Variants in RNF157 observed in about 807,000 individuals in gnomAD.
The protein encoded by RNF157 is ring finger protein 157, also known as E3 ubiquitin ligase RNF157.
RNF157 carries 55 observed loss-of-function variants against 88.3 expected under a neutral mutation model. The observed-to-expected ratio is 0.62, with a 90% confidence interval of 0.50 to 0.78. RNF157 has a LOEUF of 0.78. Ranked by LOEUF, RNF157 falls within the 30% of genes least tolerant of loss-of-function variation. The pLI is 0.00. For synonymous variants in RNF157, 334 were observed against 341.2 expected (o/e 0.98, Z 0.23); for missense variants, 788 against 860.8 (o/e 0.92, Z 1.06).
chr17:76,152,952 A>G (rs185169136), intron 17 of RNF157, among the ~76,000 whole-genome samples: 1 of 152,266 alleles, frequency 6.6e-6, no homozygotes, highest in African/African-American at 2.4e-5. Context: ...ATAATTTTGC[A>G]TATCAAATCA....
At chr17:76,148,460 G>A (rs2068621236) in intron 18 of RNF157, among the ~76,000 whole-genome samples, 1 of 151,456 alleles carries the variant, frequency 6.6e-6, no homozygotes, top group Non-Finnish European at 1.5e-5. Flanking sequence ...GTAGAGATGA[G>A]GTTTCACCGT....
intron 2 of RNF157, among the ~76,000 whole-genome samples, chr17:76,190,658 G>A (rs1321651608): frequency 1.3e-5 from 2 of 150,942 alleles, no homozygotes; most frequent in African/African-American, 4.9e-5. Flanking sequence ...GATGGCTCAC[G>A]CCTGTAATCC....
chr17:76,209,783 G>A lies in RNF157; in HGVS notation c.207+2581C>T, dbSNP rs60128456. On this transcript the variant is annotated intron_variant, in intron 2 of 18. Coordinates refer to ENST00000269391, the MANE Select transcript of RNF157 (RefSeq NM_052916.3). ...ATTTTTGTTTTTGTTTTTTTGAGACGGAGTCTCACTCTGTCGCCCAGGCTG... is the reference window on the plus strand; with the variant it reads ...ATTTTTGTTTTTGTTTTTTTGAGACAGAGTCTCACTCTGTCGCCCAGGCTG... 2.6e-3 allele frequency among the ~76,000 whole-genome samples: 397 copies of A among 152,004 alleles called. 1 individual carries two copies. Among genetic ancestry groups the A allele is most frequent in the African/African-American group, 9.3e-3 (386 of 41,474 alleles).
intron 1 of RNF157, among the ~76,000 whole-genome samples, chr17:76,239,900 C>G (rs1009297236): frequency 4.6e-5 from 7 of 152,186 alleles, no homozygotes; most frequent in Admixed American, 4.6e-4. Context: ...GGAGGCCGCT[C>G]CCGTCCTCCC....
chr17:76,209,068 CT>C (rs201446722), intron 2 of RNF157, among the ~76,000 whole-genome samples: 12,868 of 146,312 alleles, frequency 0.088, 763 homozygotes, highest in Admixed American at 0.18. Flanking sequence ...TGTTGATGTT[CT>C]TTTTTTTTTT....
At chr17:76,181,845 T>C (rs571559148) in intron 2 of RNF157, among the ~76,000 whole-genome samples, 121 of 147,028 alleles carry the variant, frequency 8.2e-4, no homozygotes, top group African/African-American at 2.8e-3. Flanking sequence ...GAGGCAGAGG[T>C]TGCAGTGAGC....
intron 1 of RNF157, among the ~76,000 whole-genome samples, chr17:76,232,815 T>C (rs886188928): frequency 6.6e-6 from 1 of 152,236 alleles, no homozygotes; most frequent in African/African-American, 2.4e-5. Context: ...TGGTATCTCA[T>C]TGCAGTTTTA....
In RNF157 at chr17:76,159,338, G is replaced by T; in HGVS notation, c.1301C>A (p.Ser434Tyr). Reference sequence around the variant, plus strand: ...GTGTGGAGCACTGGCTACTCACTTGGAGAGACTCTTTTTGAGTTTGAGTCC... The same window carrying T: ...GTGTGGAGCACTGGCTACTCACTTGTAGAGACTCTTTTTGAGTTTGAGTCC... ...SQGLKLKKSL[S>Y]KSTSQNSSVL... Residue 434 changes from serine (S) to tyrosine (Y), a missense_variant, in exon 12 of 19, where the codon TCC (serine) becomes TAC (tyrosine). Ser to Tyr is a moderately radical substitution (Grantham distance 144). Transcript: ENST00000269391. 6.2e-7 allele frequency: 1 copy of T among 1,612,598 alleles called. No individual in the cohort carries two copies. Among genetic ancestry groups the T allele is most frequent in the Non-Finnish European group, 8.5e-7 (1 of 1,178,940 alleles).
chr17:76,181,919 A>G (rs547594993), intron 2 of RNF157, among the ~76,000 whole-genome samples: 2 of 151,752 alleles, frequency 1.3e-5, no homozygotes, highest in Admixed American at 1.3e-4. Context: ...AAAAAAAAAA[A>G]AAAAAAGAAT....
chr17:76,167,127 C>G lies in RNF157; in HGVS notation c.444-1G>C, dbSNP rs1305934762. Reference sequence around the variant, plus strand: ...GAGGCTGTTGTCTTTGGGAATGTAGCTATTGATACAAGTGGGAGGCAAAGC... The same window carrying G: ...GAGGCTGTTGTCTTTGGGAATGTAGGTATTGATACAAGTGGGAGGCAAAGC... On this transcript the variant is annotated splice_acceptor_variant, in intron 4 of 18. Transcript: ENST00000269391. LOFTEE classifies it high-confidence loss of function. 6.8e-6 allele frequency: 11 copies of G among 1,610,510 alleles called. No homozygotes were observed. Among genetic ancestry groups the G allele is most frequent in the Non-Finnish European group, 9.3e-6 (11 of 1,178,204 alleles).
intron 3 of RNF157, among the ~76,000 whole-genome samples, chr17:76,169,476 T>C (rs1440418697): frequency 6.6e-6 from 1 of 152,154 alleles, no homozygotes; most frequent in Non-Finnish European, 1.5e-5. Flanking sequence ...CTCACTATGT[T>C]GCCCAGGCTG....
At chr17:76,145,628 G>A (rs918720736) in intron 18 of RNF157, 6 of 390,412 alleles carry the variant, frequency 1.5e-5, no homozygotes, top group Non-Finnish European at 2.7e-5. Flanking sequence ...CTTGTTTTGC[G>A]AACTTACCCT....
rs2144783811 is a variant in RNF157 at position 76,146,847 on chromosome 17, G to A, written c.1922-1494C>T. 1 of 985,458 alleles carries A rather than the reference G, an allele frequency of 1.0e-6. No homozygotes were observed. The highest frequency in any genetic ancestry group is 4.7e-5 in the South Asian group (1 of 21,286). 61.0% of individuals were successfully genotyped at this position (985,458 alleles called of 1,614,324 possible). ...ACCAACTGTAGAGTGTGGCCGTGAG[G>A]TTGAGAGAGGCCACTCACAAGTGTC... On this transcript the variant is annotated intron_variant, in intron 18 of 18. Coordinates refer to ENST00000269391, the MANE Select transcript of RNF157 (RefSeq NM_052916.3). This position sits in a 1 kb window ranked among gnomAD's most constrained non-coding sequence, Gnocchi z 4.2.
chr17:76,166,559 AGAG>A lies in RNF157; in HGVS notation c.562-35_562-33del, dbSNP rs1568033393. The A allele has an allele frequency of 2.5e-6, 4 of 1,579,064 alleles. No individual in the cohort carries two copies. The South Asian group carries it at 4.4e-5, about 17-fold the overall frequency. On this transcript the variant is annotated intron_variant, in intron 5 of 18. Transcript: ENST00000269391. ...GGAAAGAAAAGGAAAGGAAAAAAAA[AGAG>A]GACTTAACACATTTACATGGCACAG...
At chr17:76,232,226 T>C (rs2070204727) in intron 1 of RNF157, among the ~76,000 whole-genome samples, 1 of 152,104 alleles carries the variant, frequency 6.6e-6, no homozygotes, top group East Asian at 1.9e-4. Context: ...TTACAAAACA[T>C]AAATTTAAAA....
chr17:76,154,765 T>G (rs1363197371), intron 16 of RNF157: 1 of 229,244 alleles, frequency 4.4e-6, no homozygotes, highest in African/African-American at 2.3e-5. Flanking sequence ...GAGCTGGCGT[T>G]CCACAGCACA....
chr17:76,215,527 ATTT>A, intron 1 of RNF157, among the ~76,000 whole-genome samples: 1 of 134,086 alleles, frequency 7.5e-6, no homozygotes. Context: ...GGAAAAAAAG[ATTT>A]ATAGCAAACT....
In RNF157 at chr17:76,173,799, G is replaced by C; in HGVS notation, c.208-9C>G. The C allele has an allele frequency of 6.2e-7, 1 of 1,602,546 alleles. No homozygotes were observed. Among genetic ancestry groups the C allele is most frequent in the Non-Finnish European group, 8.5e-7 (1 of 1,172,912 alleles). ...GGGGCGGCGTAAGGAAACTGTGTCA[G>C]AAACAAAGCAGGAGAAGGTGGTGTG... On this transcript the variant is annotated splice_polypyrimidine_tract_variant and intron_variant, in intron 2 of 18. Coordinates refer to ENST00000269391, the MANE Select transcript of RNF157 (RefSeq NM_052916.3).
intron 2 of RNF157, among the ~76,000 whole-genome samples, chr17:76,210,466 T>C (rs1272587378): frequency 2.0e-5 from 3 of 149,582 alleles, no homozygotes; most frequent in African/African-American, 7.4e-5. Context: ...GGCGGGTGCC[T>C]GTAGTCCCAG....
Sources: allele counts gnomAD v4.1 joint callset (sites outside exome capture counted in the v4.1 genomes callset), GRCh38; gene constraint gnomAD v4.1.1; non-coding constraint Gnocchi (gnomAD v3.1); transcripts MANE v1.5; gene names NCBI Gene and HGNC (gene_info 2026-07-23, HGNC 2026-07-21).